LUZP1: variants seen among roughly 807,000 people sequenced by gnomAD.
LUZP1 encodes leucine zipper protein 1.
In LUZP1, 25 loss-of-function variants were observed where a neutral mutation model predicts 71.3. That is an observed-to-expected ratio of 0.35 (90% CI 0.26 to 0.49). The LOEUF (loss-of-function observed/expected upper bound fraction) is 0.49, where lower values mean the gene tolerates loss of function less well. LUZP1 is among the 20% of genes least tolerant of loss of function. The probability of loss-of-function intolerance (pLI) is 0.99; values close to 1 mark genes in which losing one functional copy is unlikely to be tolerated. For synonymous variants in LUZP1, 481 were observed against 506.4 expected (o/e 0.95, Z 0.67); for missense variants, 1,142 against 1,300.8 (o/e 0.88, Z 1.88).
intron 2 of LUZP1, among the ~76,000 whole-genome samples, chr1:23,163,030 A>G (rs1204509344): frequency 1.3e-5 from 2 of 151,986 alleles, no homozygotes; most frequent in Admixed American, 6.6e-5. Flanking sequence ...TCACGAGGTC[A>G]GCAGCTCGAG....
chr1:23,086,831 A>C (rs1166812874), exon 5 of LUZP1: 1 of 152,640 alleles, frequency 6.6e-6, no homozygotes, highest in Non-Finnish European at 1.5e-5. Flanking sequence ...TGGACAGGAA[A>C]GGCAGGCCAC....
chr1:23,121,548 T>C (rs1280757233), intron 2 of LUZP1, among the ~76,000 whole-genome samples: 3 of 152,028 alleles, frequency 2.0e-5, no homozygotes, highest in Non-Finnish European at 2.9e-5. Flanking sequence ...TAAGACCTTG[T>C]CTCTATAAAA....
chr1:23,110,570 C>T (rs1299643153), intron 2 of LUZP1, among the ~76,000 whole-genome samples: 1 of 150,688 alleles, frequency 6.6e-6, no homozygotes, highest in Non-Finnish European at 1.5e-5. Context: ...ACTTCCACAC[C>T]TCCACCAAAA....
chr1:23,137,075 T>G (rs771094352), intron 2 of LUZP1, among the ~76,000 whole-genome samples: 2 of 152,232 alleles, frequency 1.3e-5, no homozygotes, highest in African/African-American at 4.8e-5. Context: ...AGTTCCACTA[T>G]ATCATCTTTA....
chr1:23,141,293 G>A (rs1267925049), intron 2 of LUZP1, among the ~76,000 whole-genome samples: 2 of 152,218 alleles, frequency 1.3e-5, no homozygotes, highest in African/African-American at 2.4e-5. Flanking sequence ...CTGGGACCTT[G>A]TAGGGGAGAC....
At chr1:23,149,079 TAAAAAAAAAAA>T (rs58910170) in intron 2 of LUZP1, among the ~76,000 whole-genome samples, 5 of 37,412 alleles carry the variant, frequency 1.3e-4, no homozygotes, top group Non-Finnish European at 2.3e-4. Context: ...ACACCTTGCC[TAAAAAAAAAAA>T]AAAAAAAAAA....
intron 4 of LUZP1, among the ~76,000 whole-genome samples, chr1:23,089,464 C>T (rs1226125063): frequency 4.6e-5 from 7 of 152,298 alleles, no homozygotes; most frequent in African/African-American, 1.7e-4. Context: ...GAGGTCCGGA[C>T]AGCTCTCTTC....
chr1:23,101,638 C>CT (rs1447023926), intron 3 of LUZP1, among the ~76,000 whole-genome samples: 1 of 152,202 alleles, frequency 6.6e-6, no homozygotes, highest in Non-Finnish European at 1.5e-5. Flanking sequence ...TAGTGATTCA[C>CT]TAAGATCATC....
intron 3 of LUZP1, among the ~76,000 whole-genome samples, chr1:23,106,653 T>C (rs148152001): frequency 5.9e-5 from 9 of 152,146 alleles, no homozygotes; most frequent in South Asian, 2.1e-4. Context: ...AACAGGTCTA[T>C]GGGGAGAATT....
Position 23,150,444 on chromosome 1 carries a change from C to G in LUZP1, c.-226+18322G>C, listed in dbSNP as rs550291265. Among the ~76,000 whole-genome samples the G allele has an allele frequency of 3.6e-4, 55 of 152,014 alleles. No homozygotes were observed. In the South Asian group the frequency reaches 4.8e-3, roughly 13 times the overall value. ...TAATAGCATTCATTACAGAAAAAGCCGTGTTTTCACTTATGGGTTAGGAGA... is the reference window on the plus strand; with the variant it reads ...TAATAGCATTCATTACAGAAAAAGCGGTGTTTTCACTTATGGGTTAGGAGA... On this transcript the variant is annotated intron_variant, in intron 2 of 4. Coordinates refer to ENST00000302291, the Ensembl canonical transcript of LUZP1.
At chr1:23,091,524 G>A (rs536107380) in exon 4 of LUZP1, 3 of 1,614,156 alleles carry the variant, frequency 1.9e-6, no homozygotes, top group Non-Finnish European at 2.5e-6. Flanking sequence ...TCTGGCATCT[G>A]AGAAGCCCAC....
intron 3 of LUZP1, among the ~76,000 whole-genome samples, chr1:23,104,139 C>G (rs1643960112): frequency 6.6e-6 from 1 of 151,762 alleles, no homozygotes; most frequent in Non-Finnish European, 1.5e-5. Context: ...TCCAAGCCCC[C>G]ACAACCCACA....
In LUZP1 at chr1:23,142,698, TATACACACACAC is replaced by T. The variant is rs1230067083; in HGVS notation, c.-226+26056_-226+26067del. ...GGTGGGTGCATAAAATATATATATA[TATACACACACAC>T]ACACACACACACACACACACACACA... is the stretch of plus-strand genomic sequence containing the variant. On this transcript the variant is annotated intron_variant, in intron 2 of 4. Coordinates refer to ENST00000302291, the Ensembl canonical transcript of LUZP1. 3.8e-3 allele frequency among the ~76,000 whole-genome samples: 381 copies of T among 101,484 alleles called. 7 individuals are homozygous for T. Among genetic ancestry groups the T allele is most frequent in the African/African-American group, 0.012 (322 of 26,688 alleles). The allele number at this position is 101,484 out of a possible 152,430, so 66.6% of individuals were successfully genotyped here.
chr1:23,138,752 C>A (rs180677796), intron 2 of LUZP1, among the ~76,000 whole-genome samples: 39 of 148,684 alleles, frequency 2.6e-4, no homozygotes, highest in Non-Finnish European at 4.7e-4. Flanking sequence ...CCTGTAATCC[C>A]AGCACTTTGG....
At chr1:23,129,382 G>C (rs1261689353) in intron 2 of LUZP1, among the ~76,000 whole-genome samples, 4 of 152,176 alleles carry the variant, frequency 2.6e-5, no homozygotes, top group Non-Finnish European at 5.9e-5. Flanking sequence ...AGGAGTTCGA[G>C]ACCAGCCTGA....
chr1:23,130,853 C>T (rs1364008490), intron 2 of LUZP1, among the ~76,000 whole-genome samples: 1 of 152,094 alleles, frequency 6.6e-6, no homozygotes, highest in Non-Finnish European at 1.5e-5. Context: ...AGACCTCTCA[C>T]TCAATGTTCC....
At chr1:23,139,023 T>A (rs1451262234) in intron 2 of LUZP1, among the ~76,000 whole-genome samples, 2,458 of 70,810 alleles carry the variant, frequency 0.035, 25 homozygotes, top group African/African-American at 0.067. Context: ...AAAAAAAATA[T>A]ATATATATAT....
At chr1:23,103,849 AGGGAGG>A (rs1643953377) in intron 3 of LUZP1, among the ~76,000 whole-genome samples, 1 of 3,858 alleles carries the variant, frequency 2.6e-4, no homozygotes, top group Non-Finnish European at 6.3e-4. Flanking sequence ...AGAGGGAGGG[AGGGAGG>A]GAGGGAGGGA....
At chr1:23,140,207 T>C (rs1008980650) in intron 2 of LUZP1, 2 of 151,812 alleles carry the variant, frequency 1.3e-5, no homozygotes, top group Non-Finnish European at 2.9e-5. Context: ...TAGTAGCACC[T>C]ATCCAGACTC....
Sources: gnomAD v4.1 joint callset for allele counts (sites outside exome capture counted in the v4.1 genomes callset) on GRCh38, gnomAD v4.1.1 for gene constraint, MANE v1.5 for transcripts, NCBI Gene and HGNC (gene_info 2026-07-23, HGNC 2026-07-21) for gene names.